Variants in MYH13 observed in about 807,000 individuals in gnomAD.
MYH13 encodes myosin heavy chain 13, also known as myosin-13.
MYH13 carries 177 observed loss-of-function variants against 232.1 expected under a neutral mutation model. The observed-to-expected ratio is 0.76, with a 90% CI of 0.67 to 0.86. The LOEUF (loss-of-function observed/expected upper bound fraction) is 0.86. Ranked by LOEUF, MYH13 falls within the 40% of genes least tolerant of loss-of-function variation. MYH13 has a pLI of 0.00. For synonymous variants in MYH13, 884 were observed against 923.5 expected (o/e 0.96, Z 0.78); for missense variants, 2,246 against 2,405.9 (o/e 0.93, Z 1.39).
Position 10,338,711 on chromosome 17 carries a change from T to TTTG in MYH13, c.2056+1438_2056+1439insCAA, listed in dbSNP as rs772861337. Among the ~76,000 whole-genome samples the TTTG allele has an allele frequency of 2.7e-5, 4 of 147,916 alleles. No homozygotes were observed. The Admixed American group carries it at 2.7e-4, about 10-fold the overall frequency. ...CTTGTTTTTTTTTTTTTTTTGTTTGTTTTTTTTGAGACGGAGTTTCGCTCT... is the reference window on the plus strand; with the variant it reads ...CTTGTTTTTTTTTTTTTTTTGTTTGTTTGTTTTTTTGAGACGGAGTTTCGCTCT... On this transcript the variant is annotated intron_variant, in intron 18 of 40. Coordinates refer to ENST00000252172, the MANE Select transcript of MYH13 (RefSeq NM_003802.3).
chr17:10,319,130 C>T lies in MYH13; in HGVS notation c.3398G>A (p.Arg1133Lys), dbSNP rs1382465875. The T allele has an allele frequency of 8.1e-6, 13 of 1,614,052 alleles. No individual in the cohort carries two copies. The highest frequency in any genetic ancestry group is 1.7e-5 in the Admixed American group (1 of 60,000). The change falls in exon 27 of 41, where the codon AGA (arginine) becomes AAA (lysine). Residue 1133 changes from arginine to lysine, a missense_variant. Physicochemically the swap from Arg to Lys is conservative, Grantham distance 26 (BLOSUM62 2). Transcript: ENST00000252172. ...TGAGCGCTGCTTCTCAATCTTGGCT[C>T]TGAGCGTGTGTTCCGCTTCAATTTC... Reference protein sequence around the residue: ...EEEIEAEHTLRAKIEKQRSDL... With the variant: ...EEEIEAEHTLKAKIEKQRSDL...
intron 15 of MYH13, among the ~76,000 whole-genome samples, 173 bp downstream of exon 15, chr17:10,345,029 G>A (rs901656590): frequency 2.6e-5 from 4 of 152,054 alleles, no homozygotes; most frequent in African/African-American, 9.7e-5. Context: ...CTCTTTAAGT[G>A]TCAGAACAGA....
intron 18 of MYH13, 128 bp downstream of exon 18, chr17:10,340,022 A>T: frequency 1.3e-6 from 1 of 766,366 alleles, no homozygotes; most frequent in South Asian, 1.9e-5. Flanking sequence ...TGGCAACCCT[A>T]TTTCAGAGAC....
intron 3 of MYH13, among the ~76,000 whole-genome samples, 181 bp from the exon 4 acceptor site, chr17:10,362,684 T>G (rs559456281): frequency 6.6e-6 from 1 of 152,296 alleles, no homozygotes; most frequent in East Asian, 1.9e-4. Flanking sequence ...AAGAATCTGA[T>G]TCTGGTCAAA....
intron 21 of MYH13, among the ~76,000 whole-genome samples, chr17:10,329,441 T>C (rs539435455): frequency 2.6e-4 from 39 of 152,366 alleles, no homozygotes; most frequent in Non-Finnish European, 5.1e-4. Flanking sequence ...TACCACACTG[T>C]GGCCTTGCCC....
chr17:10,369,610 G>T (rs2096794537), intron 2 of MYH13, among the ~76,000 whole-genome samples: 1 of 152,208 alleles, frequency 6.6e-6, no homozygotes, highest in African/African-American at 2.4e-5. Context: ...GGCTGCCATA[G>T]CTGATAGTTG....
chr17:10,311,296 C>A (rs1906501667), intron 32 of MYH13, 69 bp from the exon 33 acceptor site: 2 of 1,585,026 alleles, frequency 1.3e-6, no homozygotes. Context: ...ATTTGCCAGG[C>A]AATTCAGGGA....
rs1906277227 is a variant in MYH13, at chr17:10,306,219, GATGTGTGT to G, written c.5466+232_5466+239del. Among the ~76,000 whole-genome samples, 1 of 94,682 alleles carries G rather than the reference GATGTGTGT, an allele frequency of 1.1e-5. No individual in the cohort carries two copies. Among genetic ancestry groups the G allele is most frequent in the Non-Finnish European group, 2.3e-5 (1 of 43,054 alleles). 62.1% of individuals were successfully genotyped at this position (94,682 alleles called of 152,430 possible). On this transcript the variant is annotated intron_variant, in intron 37 of 40. Transcript: ENST00000252172. This position sits in a 1 kb window ranked among gnomAD's most constrained non-coding sequence, Gnocchi z 4.3. ...ACTGAGGTGTGAGCATACCAAAATA[GATGTGTGT>G]GTGTGTGTGTGTGTGTGTGTGTGTG...
chr17:10,309,035 A>G (rs1338487507), intron 35 of MYH13, among the ~76,000 whole-genome samples, 199 bp downstream of exon 35: 1 of 152,278 alleles, frequency 6.6e-6, no homozygotes, highest in Non-Finnish European at 1.5e-5. Context: ...AAAGCTCAGA[A>G]ATCTGTCAAT....
chr17:10,315,903 T>G lies in MYH13; in HGVS notation c.3861A>C (p.Gln1287His). 6.2e-7 allele frequency: 1 copy of G among 1,613,982 alleles called. No individual in the cohort carries two copies. The highest frequency in any genetic ancestry group is 8.5e-7 in the Non-Finnish European group (1 of 1,179,886). ...CAGAGCCCTGCCCATTCTCACCATT[T>G]TGGGTCTGCAGTCTTGCTTTCTGCA... is the stretch of plus-strand genomic sequence containing the variant. ...LNMQKARLQT[Q>H]NGELSHRVEE... Residue 1287 changes from glutamine to histidine, a missense_variant, in exon 28 of 41, where the codon CAA becomes CAC. Physicochemically the swap from Gln to His is conservative, Grantham distance 24. Transcript: ENST00000252172.
At chr17:10,345,658 C>G in intron 13 of MYH13, 42 bp from the exon 14 acceptor site, 1 of 1,613,856 alleles carries the variant, frequency 6.2e-7, no homozygotes, top group Non-Finnish European at 8.5e-7. Context: ...GTTAGTGTTT[C>G]TATGGCTGCA....
At chr17:10,336,362 T>C (rs2071575227) in intron 18 of MYH13, among the ~76,000 whole-genome samples, 1 of 152,220 alleles carries the variant, frequency 6.6e-6, no homozygotes, top group Non-Finnish European at 1.5e-5. Flanking sequence ...TTTTCCTCTT[T>C]ATTTCTCCAA....
At chr17:10,314,644 G>A (rs1906636496) in intron 29 of MYH13, among the ~76,000 whole-genome samples, 1 of 152,156 alleles carries the variant, frequency 6.6e-6, no homozygotes, top group African/African-American at 2.4e-5. Context: ...GAAGAAAAAG[G>A]TGGAGCTTGG....
chr17:10,306,502 G>A lies in MYH13; in HGVS notation c.5423C>T (p.Ala1808Val), dbSNP rs182969555. ...QHRLDEAEQL[A>V]LKGGKKQIQK... Reference sequence around the variant, plus strand: ...GATCTGCTTCTTCCCGCCCTTCAGCGCCAGTTGTTCAGCCTCATCTAGACG... The same window carrying A: ...GATCTGCTTCTTCCCGCCCTTCAGCACCAGTTGTTCAGCCTCATCTAGACG... The change falls in exon 37 of 41, where the codon GCG becomes GTG. Residue 1808 changes from alanine (A) to valine (V), a missense_variant. By Grantham distance (64) the Ala-to-Val change is moderately conservative. Transcript: ENST00000252172. This position sits in a 1 kb window ranked among gnomAD's most constrained non-coding sequence, Gnocchi z 4.3. 80 of 1,613,966 alleles carry A rather than the reference G, an allele frequency of 5.0e-5. No individual in the cohort carries two copies. In the African/African-American group the frequency reaches 7.7e-4, roughly 16 times the overall value.
intron 27 of MYH13, among the ~76,000 whole-genome samples, chr17:10,316,624 G>A (rs576370382): frequency 6.6e-6 from 1 of 152,244 alleles, no homozygotes; most frequent in South Asian, 2.1e-4. Context: ...AGTGATTCGT[G>A]AATAATTGCA....
chr17:10,339,192 C>G (rs942902864), intron 18 of MYH13, among the ~76,000 whole-genome samples: 1 of 152,082 alleles, frequency 6.6e-6, no homozygotes, highest in African/African-American at 2.4e-5. Flanking sequence ...AACAGCTCAG[C>G]TGGTGAGTTA....
At chr17:10,301,511 C>G in intron 40 of MYH13, 58 bp downstream of exon 40, 2 of 1,605,684 alleles carry the variant, frequency 1.2e-6, no homozygotes, top group Non-Finnish European at 1.7e-6. Context: ...TCTTACCTGG[C>G]CCCCATATTC....
At chr17:10,339,588 T>C (rs2071605424) in intron 18 of MYH13, among the ~76,000 whole-genome samples, 1 of 152,178 alleles carries the variant, frequency 6.6e-6, no homozygotes. Context: ...AACTTTGGGG[T>C]AAACAGAGCC....
intron 11 of MYH13, among the ~76,000 whole-genome samples, chr17:10,351,465 A>C (rs542290156): frequency 6.6e-6 from 1 of 152,314 alleles, no homozygotes; most frequent in Admixed American, 6.5e-5. Context: ...AGGGAAGATC[A>C]TCAAAGATGG....
Sources: gnomAD v4.1 joint callset for allele counts (sites outside exome capture counted in the v4.1 genomes callset) on GRCh38, gnomAD v4.1.1 for gene constraint, Gnocchi (gnomAD v3.1) non-coding constraint, MANE v1.5 for transcripts, NCBI Gene and HGNC (gene_info 2026-07-23, HGNC 2026-07-21) for gene names.